CFAP54: variants seen among roughly 807,000 people sequenced by gnomAD.
CFAP54 encodes cilia and flagella associated protein 54, also known as cilia- and flagella-associated protein 54.
In CFAP54, 290 loss-of-function variants were observed where a neutral mutation model predicts 370.4. That is an observed-to-expected ratio of 0.78 (90% confidence interval 0.71 to 0.86). The LOEUF is 0.86. Ranked by LOEUF, CFAP54 falls within the 40% of genes least tolerant of loss-of-function variation. The probability of loss-of-function intolerance (pLI) is 0.00; values close to 1 mark genes in which losing one functional copy is unlikely to be tolerated. For synonymous variants in CFAP54, 1,206 were observed against 1,236.5 expected, an observed-to-expected ratio of 0.98 and a Z score of 0.52; for missense variants, 3,399 against 3,528.7, an observed-to-expected ratio of 0.96 and a Z score of 0.93.
At chr12:96,592,246 A>C (rs903021539) in intron 23 of CFAP54, among the ~76,000 whole-genome samples, 2 of 152,218 alleles carry the variant, frequency 1.3e-5, no homozygotes, top group African/African-American at 4.8e-5. Context: ...TCTTGATAAA[A>C]AATAACTTTA....
chr12:96,826,656 T>A (rs1259037588), intron 65 of CFAP54, among the ~76,000 whole-genome samples: 1 of 107,864 alleles, frequency 9.3e-6, no homozygotes, highest in Non-Finnish European at 1.7e-5. Context: ...ATATTAAATA[T>A]ATTATATATA....
rs112189418 is a variant in CFAP54, at chr12:96,620,388, C to T, written c.3640-1202C>T. 9.9e-5 allele frequency among the ~76,000 whole-genome samples: 15 copies of T among 152,196 alleles called. No homozygotes were observed. The South Asian group carries it at 2.5e-3, about 25-fold the overall frequency. On this transcript the variant is annotated intron_variant, in intron 26 of 67. Coordinates refer to ENST00000524981, the MANE Select transcript of CFAP54 (RefSeq NM_001306084.2). ...GATAGTGAATAAGTCTCACGATATC[C>T]GACAGTTTTATAAAGGGGAGTTCCC... is the stretch of plus-strand genomic sequence containing the variant.
intron 8 of CFAP54, among the ~76,000 whole-genome samples, chr12:96,524,162 ACT>A (rs1955350139): frequency 6.6e-6 from 1 of 152,066 alleles, no homozygotes; most frequent in African/African-American, 2.4e-5. Context: ...AATCATTTTG[ACT>A]CTCAAAAGAT....
Position 96,685,115 on chromosome 12 carries a change from C to T in CFAP54, c.5891C>T (p.Ser1964Leu), listed in dbSNP as rs767095489. The T allele has an allele frequency of 1.1e-5, 17 of 1,614,030 alleles. No homozygotes were observed. The African/African-American group carries it at 1.9e-4, about 18-fold the overall frequency. The change falls in exon 42 of 68, where the codon TCA (serine) becomes TTA (leucine). Residue 1964 changes from serine to leucine, a missense_variant. Physicochemically the swap from Ser to Leu is moderately radical, Grantham distance 145. Coordinates refer to ENST00000524981, the MANE Select transcript of CFAP54 (RefSeq NM_001306084.2). ...VLHTWKEFGP[S>L]LTNVTNSHSP... ...CACACGTGGAAAGAATTTGGCCCCT[C>T]ACTCACCAATGTCACCAACAGTCAT... is the stretch of plus-strand genomic sequence containing the variant.
chr12:96,548,031 A>G, intron 15 of CFAP54, 53 bp downstream of exon 15: 2 of 772,440 alleles, frequency 2.6e-6, no homozygotes, highest in Non-Finnish European at 4.0e-6. Flanking sequence ...TTATTTTCAA[A>G]TAATATTAAA....
intron 58 of CFAP54, among the ~76,000 whole-genome samples, chr12:96,760,357 T>C (rs908849545): frequency 3.3e-5 from 5 of 152,064 alleles, no homozygotes; most frequent in African/African-American, 1.2e-4. Context: ...ATTTACAGAG[T>C]TGTTCAACAA....
rs76514059 is a variant in CFAP54, at chr12:96,618,974, C to T, written c.3640-2616C>T. On this transcript the variant is annotated intron_variant, in intron 26 of 67. Coordinates refer to ENST00000524981, the MANE Select transcript of CFAP54 (RefSeq NM_001306084.2). ...CCACCTCCCTAGCTCAAGCAATCCT[C>T]GCATATCAGCCTCTGAGTAGCTGGG... Among the ~76,000 whole-genome samples the T allele has an allele frequency of 9.2e-3, 1,399 of 152,262 alleles. 12 individuals are homozygous for T. The highest frequency in any genetic ancestry group is 0.034 in the Middle Eastern group (10 of 294).
chr12:96,833,507 CGTGT>C (rs34316003), intron 66 of CFAP54, among the ~76,000 whole-genome samples: 30,951 of 143,792 alleles, frequency 0.22, 3,309 homozygotes, highest in South Asian at 0.39. Flanking sequence ...CACACGCGTA[CGTGT>C]GTGTGTGTGT....
At chr12:96,846,359 T>C (rs936057662) in intron 66 of CFAP54, among the ~76,000 whole-genome samples, 1 of 152,042 alleles carries the variant, frequency 6.6e-6, no homozygotes, top group Non-Finnish European at 1.5e-5. Flanking sequence ...TATTGTAGAG[T>C]TGTTGGTTGT....
intron 32 of CFAP54, among the ~76,000 whole-genome samples, chr12:96,640,288 GACAA>G (rs1310218669): frequency 1.3e-5 from 2 of 151,996 alleles, no homozygotes; most frequent in African/African-American, 4.8e-5. Flanking sequence ...AACAATAACA[GACAA>G]ACAGCCAAAT....
intron 20 of CFAP54, among the ~76,000 whole-genome samples, chr12:96,577,054 A>G (rs908018574): frequency 2.6e-5 from 4 of 152,210 alleles, no homozygotes; most frequent in African/African-American, 9.6e-5. Flanking sequence ...ATGACACACC[A>G]TATGCTGACA....
At chr12:96,599,553 T>C (rs1956217832) in intron 26 of CFAP54, among the ~76,000 whole-genome samples, 1 of 152,188 alleles carries the variant, frequency 6.6e-6, no homozygotes, top group South Asian at 2.1e-4. Flanking sequence ...CAAATGGTAT[T>C]TCTAGTTCTA....
chr12:96,679,556 G>T (rs1264350435), intron 39 of CFAP54, 44 bp from the exon 40 acceptor site: 1 of 1,578,156 alleles, frequency 6.3e-7, no homozygotes, highest in African/African-American at 1.4e-5. Context: ...CCTTGGCTTG[G>T]TGCAGCATTT....
chr12:96,820,647 A>G (rs911771368), intron 65 of CFAP54, among the ~76,000 whole-genome samples: 2 of 152,208 alleles, frequency 1.3e-5, no homozygotes, highest in African/African-American at 4.8e-5. Context: ...ATGATGCTTA[A>G]TGATGTACTG....
rs1474033377 is a variant in CFAP54 at position 96,541,268 on chromosome 12, C to CT, written c.2077+287dup. On this transcript the variant is annotated intron_variant, in intron 14 of 67. Transcript: ENST00000524981. ...CCCCTTTAGTCCCTTCTCTTTCTTTCTTTTTTCACTTTCTCTCCCTTTTTT... is the reference window on the plus strand; with the variant it reads ...CCCCTTTAGTCCCTTCTCTTTCTTTCTTTTTTTCACTTTCTCTCCCTTTTTT... 2.0e-5 allele frequency among the ~76,000 whole-genome samples: 3 copies of CT among 149,034 alleles called. No homozygotes were observed. In the East Asian group the frequency reaches 6.0e-4, roughly 30 times the overall value.
At chr12:96,505,138 A>G (rs1955084182) in intron 3 of CFAP54, among the ~76,000 whole-genome samples, 1 of 146,624 alleles carries the variant, frequency 6.8e-6, no homozygotes, top group Non-Finnish European at 1.5e-5. Context: ...ATCTCAGTTC[A>G]CTGCAACCTC....
chr12:96,704,831 C>A, intron 47 of CFAP54, 35 bp downstream of exon 47: 2 of 831,806 alleles, frequency 2.4e-6, no homozygotes, highest in East Asian at 3.7e-5. Context: ...CATGGTTTTC[C>A]TAAGTGTGGA....
At chr12:96,764,998 T>C in intron 59 of CFAP54, 79 bp from the exon 60 acceptor site, 1 of 1,148,020 alleles carries the variant, frequency 8.7e-7, no homozygotes, top group Non-Finnish European at 1.1e-6. Context: ...AATTCACTTT[T>C]TTCACATTAT....
At chr12:96,707,987 A>G (rs1196482252) in intron 47 of CFAP54, among the ~76,000 whole-genome samples, 1 of 152,154 alleles carries the variant, frequency 6.6e-6, no homozygotes, top group Non-Finnish European at 1.5e-5. Flanking sequence ...TTGGTTGGGT[A>G]CTTAAAATGG....
Sources: allele counts gnomAD v4.1 joint callset (sites outside exome capture counted in the v4.1 genomes callset), GRCh38; gene constraint gnomAD v4.1.1; transcripts MANE v1.5; gene names NCBI Gene and HGNC (gene_info 2026-07-23, HGNC 2026-07-21).